The following CLPP variants were observed in gnomAD, a reference collection of about 807,000 sequenced individuals.
CLPP encodes ATP-dependent Clp protease proteolytic subunit, mitochondrial.
CLPP carries 14 observed loss-of-function variants against 27.4 expected under a neutral mutation model. The ratio of observed to expected loss-of-function variants is 0.51; its 90% CI spans 0.34 to 0.80. CLPP has a LOEUF of 0.80. Ranked by LOEUF, CLPP falls within the 30% of genes least tolerant of loss-of-function variation. The pLI is 0.02. For missense variants in CLPP, 361 were observed against 403.6 expected (o/e 0.89, Z 0.90); for synonymous variants, 193 against 166.6 (o/e 1.16, Z -1.22).
chr19:6,369,278 G>A lies in CLPP; in HGVS notation c.*568G>A, dbSNP rs1436798901. Among the ~76,000 whole-genome samples the A allele has an allele frequency of 1.3e-5, 2 of 151,994 alleles. No individual in the cohort carries two copies. The highest frequency in any genetic ancestry group is 4.8e-5 in the African/African-American group (2 of 41,392). Reference sequence around the variant, plus strand: ...TCTACTAAAAATACAAAAATTAGCCGAGCGTGGTGCACCTGTAATCCCAGC... The same window carrying A: ...TCTACTAAAAATACAAAAATTAGCCAAGCGTGGTGCACCTGTAATCCCAGC... On this transcript the variant is annotated 3_prime_UTR_variant, in exon 6 of 6. Transcript: ENST00000245816.
rs1405650157 is a variant in CLPP at position 6,369,113 on chromosome 19, G to T, written c.*403G>T. Among the ~76,000 whole-genome samples the T allele has an allele frequency of 6.6e-6, 1 of 152,106 alleles. No individual in the cohort carries two copies. Among genetic ancestry groups the T allele is most frequent in the Non-Finnish European group, 1.5e-5 (1 of 68,038 alleles). Reference sequence around the variant, plus strand: ...TCAAAAGAGCTCCATTCTTGTGGCAGTAGACAGTTACTAAAAAAAACAAAA... The same window carrying T: ...TCAAAAGAGCTCCATTCTTGTGGCATTAGACAGTTACTAAAAAAAACAAAA... On this transcript the variant is annotated 3_prime_UTR_variant, in exon 6 of 6. Transcript: ENST00000245816.
chr19:6,364,634 G>A lies in CLPP; in HGVS notation c.550G>A (p.Ala184Thr), dbSNP rs775659442. 1.6e-5 allele frequency: 25 copies of A among 1,609,098 alleles called. No individual in the cohort carries two copies. Among genetic ancestry groups the A allele is most frequent in the East Asian group, 8.9e-5 (4 of 44,790 alleles). ...RIMIHQPSGG[A>T]RGQATDIAIQ... ...CATGATCCACCAGCCCTCAGGAGGC[G>A]CCCGGGTGAGTGCCAGACACGCGAG... The change falls in exon 4 of 6, where the codon GCC (alanine) becomes ACC (threonine). Residue 184 changes from alanine to threonine, a missense_variant. By Grantham distance (58) the Ala-to-Thr change is moderately conservative (BLOSUM62 0). Around this residue, in one of 2 missense-constraint regions of CLPP, gnomAD observed 213 missense variants for 280.9 expected, o/e 0.76. Coordinates refer to ENST00000245816, the MANE Select transcript of CLPP (RefSeq NM_006012.4).
In CLPP at chr19:6,361,773, G is replaced by A; in HGVS notation, c.198+1G>A. ...CATTCCCATCGTGGTGGAGCAGACGGTACGGCGGCCGGGCGGGGACACGGT... is the reference window on the plus strand; with the variant it reads ...CATTCCCATCGTGGTGGAGCAGACGATACGGCGGCCGGGCGGGGACACGGT... On this transcript the variant is annotated splice_donor_variant, in intron 1 of 5. Coordinates refer to ENST00000245816, the MANE Select transcript of CLPP (RefSeq NM_006012.4). LOFTEE classifies it high-confidence loss of function. 1 of 1,551,002 alleles carries A rather than the reference G, an allele frequency of 6.4e-7. No homozygotes were observed. Among genetic ancestry groups the A allele is most frequent in the Non-Finnish European group, 8.7e-7 (1 of 1,155,748 alleles).
chr19:6,361,598 G>C lies in CLPP; in HGVS notation c.24G>C (p.Gly8=). The C allele has an allele frequency of 2.8e-6, 4 of 1,414,034 alleles. No individual in the cohort carries two copies. The highest frequency in any genetic ancestry group is 3.7e-6 in the Non-Finnish European group (4 of 1,082,746). 87.6% of individuals were successfully genotyped at this position (1,414,034 alleles called of 1,614,324 possible). MWPGILV[G]GARVASCRYP... ...GGATGTGGCCCGGAATATTGGTAGG[G>C]GGGGCCCGGGTGGCGTCATGCAGGT... The change falls in exon 1 of 6, where the codon GGG becomes GGC. Residue 8 remains glycine, a synonymous_variant. Coordinates refer to ENST00000245816, the MANE Select transcript of CLPP (RefSeq NM_006012.4).
chr19:6,367,374 C>CAAAAAAA (rs761550793), intron 5 of CLPP, among the ~76,000 whole-genome samples: 1 of 60,800 alleles, frequency 1.6e-5, no homozygotes, highest in Non-Finnish European at 3.6e-5. Context: ...GACCCTGTCT[C>CAAAAAAA]AAAAAAAAAA....
chr19:6,370,064 C>T lies in CLPP; in HGVS notation c.*1354C>T, dbSNP rs886551844. ...GACAGAGAGCAGTTTCCAGAAACTC[C>T]GAGCTGATGGCCCAAAGCAGGAAGA... is the stretch of plus-strand genomic sequence containing the variant. On this transcript the variant is annotated 3_prime_UTR_variant, in exon 6 of 6. Transcript: ENST00000245816. 2.6e-5 allele frequency among the ~76,000 whole-genome samples: 4 copies of T among 152,100 alleles called. No homozygotes were observed. The highest frequency in any genetic ancestry group is 7.2e-5 in the African/African-American group (3 of 41,408).
At chr19:6,365,739 G>T (rs1024688330) in intron 4 of CLPP, among the ~76,000 whole-genome samples, 1 of 151,740 alleles carries the variant, frequency 6.6e-6, no homozygotes, top group African/African-American at 2.4e-5. Flanking sequence ...AGGATTGCTT[G>T]AGCCTGTGAG....
In CLPP at chr19:6,361,669, G is replaced by T; in HGVS notation, c.95G>T (p.Arg32Leu). The change falls in exon 1 of 6, where the codon CGG becomes CTG. Residue 32 changes from arginine to leucine, a missense_variant. Arg to Leu is a moderately radical substitution (Grantham distance 102, BLOSUM62 -2). This residue lies in a region of CLPP where 148 missense variants were observed against 122.6 expected (regional missense o/e 1.21). Transcript: ENST00000245816. ...CTCGCCGCTCACTTTCCAGCGCAGC[G>T]GCCGCCGCAGCGGACACTCCAGAAC... is the stretch of plus-strand genomic sequence containing the variant. ...PRLAAHFPAQ[R>L]PPQRTLQNGL... 7.0e-7 allele frequency: 1 copy of T among 1,429,402 alleles called. No individual in the cohort carries two copies. Among genetic ancestry groups the T allele is most frequent in the Middle Eastern group, 1.8e-4 (1 of 5,410 alleles). 88.5% of individuals were successfully genotyped at this position (1,429,402 alleles called of 1,614,324 possible). A position where few individuals can be genotyped will look rare whatever the true frequency, so the allele number is the denominator to read the frequency against.
rs1002005481 is a variant in CLPP at position 6,368,066 on chromosome 19, G to T, written c.662-472G>T. The stretch of plus-strand genomic sequence containing the variant: ...TTTTTAAAAAACAAAATTGAAATTG[G>T]TATTTTACTGATACCTAGGGGAAAC... On this transcript the variant is annotated intron_variant, in intron 5 of 5. Transcript: ENST00000245816. 5.3e-5 allele frequency among the ~76,000 whole-genome samples: 8 copies of T among 152,176 alleles called. 1 individual carries two copies. The East Asian group carries it at 7.7e-4, about 15-fold the overall frequency.
chr19:6,365,276 C>G (rs1328824544), intron 4 of CLPP: 1 of 151,584 alleles, frequency 6.6e-6, no homozygotes, highest in East Asian at 1.9e-4. Flanking sequence ...GTCAGGAATT[C>G]TAAACCAGCC....
chr19:6,361,653 C>G lies in CLPP; in HGVS notation c.79C>G (p.His27Asp). ...YPALGPRLAA[H>D]FPAQRPPQRT... The stretch of plus-strand genomic sequence containing the variant: ...CGCGCTGGGGCCTCGCCTCGCCGCT[C>G]ACTTTCCAGCGCAGCGGCCGCCGCA... Residue 27 changes from histidine to aspartate, a missense_variant, in exon 1 of 6, where the codon CAC becomes GAC. By Grantham distance (81) the His-to-Asp change is moderately conservative. Transcript: ENST00000245816. 1.4e-6 allele frequency: 2 copies of G among 1,422,130 alleles called. No homozygotes were observed. The highest frequency in any genetic ancestry group is 1.8e-6 in the Non-Finnish European group (2 of 1,088,500). 88.1% of individuals were successfully genotyped at this position (1,422,130 alleles called of 1,614,324 possible).
Position 6,369,058 on chromosome 19 carries a change from C to G in CLPP, c.*348C>G, listed in dbSNP as rs2091875559. 1 of 222,052 alleles carries G rather than the reference C, an allele frequency of 4.5e-6. No homozygotes were observed. Among genetic ancestry groups the G allele is most frequent in the Non-Finnish European group, 8.9e-6 (1 of 112,794 alleles). 13.8% of individuals were successfully genotyped at this position (222,052 alleles called of 1,614,324 possible). On this transcript the variant is annotated 3_prime_UTR_variant, in exon 6 of 6. Coordinates refer to ENST00000245816, the MANE Select transcript of CLPP (RefSeq NM_006012.4). ...CATATCCTATATTCCAGGCAGTGTT[C>G]TTTTGTGAAGAAGACACAAGAAACC...
At chr19:6,367,112 C>CA (rs1363168329) in intron 5 of CLPP, among the ~76,000 whole-genome samples, 1 of 151,982 alleles carries the variant, frequency 6.6e-6, no homozygotes, top group East Asian at 1.9e-4. Flanking sequence ...CACCATGGCT[C>CA]ACGCCTGTAG....
rs112997901 is a variant in CLPP, at chr19:6,365,818, C to CA, written c.556-427dup. Reference sequence around the variant, plus strand: ...CCAGCAACAGAGGAAGACCCTGTCTCAAAAAAAAAAAAAGGCGGCCAGGCA... The same window carrying CA: ...CCAGCAACAGAGGAAGACCCTGTCTCAAAAAAAAAAAAAAGGCGGCCAGGCA... On this transcript the variant is annotated intron_variant, in intron 4 of 5. Coordinates refer to ENST00000245816, the MANE Select transcript of CLPP (RefSeq NM_006012.4). 1.8e-3 allele frequency among the ~76,000 whole-genome samples: 215 copies of CA among 121,164 alleles called. 3 individuals are homozygous for CA. The highest frequency in any genetic ancestry group is 0.018 in the South Asian group (63 of 3,576). The allele number at this position is 121,164 out of a possible 152,430, so 79.5% of individuals were successfully genotyped here. A position where few individuals can be genotyped will look rare whatever the true frequency, so the allele number is the denominator to read the frequency against.
Position 6,366,309 on chromosome 19 carries a change from A to G in CLPP, c.607A>G (p.Lys203Glu). 1.2e-6 allele frequency: 2 copies of G among 1,612,958 alleles called. No homozygotes were observed. The highest frequency in any genetic ancestry group is 1.7e-6 in the Non-Finnish European group (2 of 1,179,474). Residue 203 changes from lysine to glutamate, a missense_variant, in exon 5 of 6, where the codon AAG (lysine) becomes GAG (glutamate). Transcript: ENST00000245816. ...GGCAGAGGAGATCATGAAGCTCAAG[A>G]AGCAGCTCTATAACATCTACGCCAA... ...IQAEEIMKLK[K>E]QLYNIYAKHT...
intron 3 of CLPP, among the ~76,000 whole-genome samples, chr19:6,363,314 A>G (rs1203627264): frequency 1.3e-5 from 2 of 151,852 alleles, no homozygotes; most frequent in Non-Finnish European, 2.9e-5. Flanking sequence ...TTTCGTAGAG[A>G]TGATGTTTCA....
At chr19:6,362,565 G>GCCCCTGGCAC in intron 3 of CLPP, 23 bp downstream of exon 3, 1 of 1,541,608 alleles carries the variant, frequency 6.5e-7, no homozygotes, top group Non-Finnish European at 9.0e-7. Context: ...TTTCCTGGGT[G>GCCCCTGGCAC]CCAGGGGCAC....
At chr19:6,365,349 C>T (rs761317275) in intron 4 of CLPP, among the ~76,000 whole-genome samples, 10 of 151,946 alleles carry the variant, frequency 6.6e-5, no homozygotes, top group Non-Finnish European at 1.3e-4. Context: ...CATGGTGGTG[C>T]GTGCCCATAA....
chr19:6,365,650 A>G (rs371985390), intron 4 of CLPP, among the ~76,000 whole-genome samples: 18 of 149,830 alleles, frequency 1.2e-4, no homozygotes, highest in African/African-American at 4.2e-4. Context: ...GTGAGACCCC[A>G]TCTCTACCAA....
Sources: allele counts gnomAD v4.1 joint callset (sites outside exome capture counted in the v4.1 genomes callset), GRCh38; gene constraint gnomAD v4.1.1; regional missense constraint gnomAD v4.1.1; transcripts MANE v1.5; gene names NCBI Gene and HGNC (gene_info 2026-07-23, HGNC 2026-07-21).